The following NEMP2 variants were observed in gnomAD, a reference collection of about 807,000 sequenced individuals.
The protein encoded by NEMP2 is nuclear envelope integral membrane protein 2.
A neutral mutation model predicts 54.2 loss-of-function variants in NEMP2; 53 were observed. The ratio of observed to expected loss-of-function variants is 0.98; its 90% CI spans 0.78 to 1.23. NEMP2 has a LOEUF of 1.23. Ranked by LOEUF, NEMP2 falls within the 50% of genes most tolerant of loss-of-function variation. The pLI is 0.00. For missense variants in NEMP2, 455 were observed against 511.3 expected (o/e 0.89, Z 1.06); for synonymous variants, 197 against 190.3 (o/e 1.04, Z -0.29).
chr2:190,432,031 T>G, the NEMP2 span, among the ~76,000 whole-genome samples: 1 of 152,224 alleles, frequency 6.6e-6, no homozygotes, highest in African/African-American at 2.4e-5. Flanking sequence ...TTTCCTGTTT[T>G]GGTTCTGTTT....
At chr2:190,427,488 T>A in the NEMP2 span, among the ~76,000 whole-genome samples, 23 of 152,350 alleles carry the variant, frequency 1.5e-4, no homozygotes, top group African/African-American at 5.5e-4. Flanking sequence ...CAGGCACTTG[T>A]TAGGGCTTTT....
the NEMP2 span, among the ~76,000 whole-genome samples, chr2:190,603,651 G>T: frequency 2.1e-4 from 32 of 149,742 alleles, no homozygotes; most frequent in African/African-American, 7.9e-4. Flanking sequence ...TGGCATTTAG[G>T]AAAGTAGAGA....
At chr2:190,454,821 A>G in the NEMP2 span, among the ~76,000 whole-genome samples, 1 of 152,174 alleles carries the variant, frequency 6.6e-6, no homozygotes, top group Non-Finnish European at 1.5e-5. This position sits in a 1 kb window ranked among gnomAD's most constrained non-coding sequence, Gnocchi z 4.6. Flanking sequence ...TCTAAGAGTC[A>G]GAAGACACTA....
chr2:190,551,463 G>A, the NEMP2 span, among the ~76,000 whole-genome samples: 1 of 151,150 alleles, frequency 6.6e-6, no homozygotes, highest in Admixed American at 6.6e-5. Flanking sequence ...TCCTAGTATA[G>A]TTTCATTTCT....
At chr2:190,477,958 T>C in the NEMP2 span, among the ~76,000 whole-genome samples, 1 of 152,274 alleles carries the variant, frequency 6.6e-6, no homozygotes, top group East Asian at 1.9e-4. Flanking sequence ...GGGGAAGAGC[T>C]GTGTGCGAAG....
intron 4 of NEMP2, 90 bp from the exon 5 acceptor site, chr2:190,517,703 A>G: frequency 1.1e-6 from 1 of 910,274 alleles, no homozygotes; most frequent in Non-Finnish European, 1.7e-6. Flanking sequence ...TCAGTCATAA[A>G]TAACACTAAG....
the NEMP2 span, among the ~76,000 whole-genome samples, chr2:190,434,447 A>G: frequency 6.6e-6 from 1 of 151,966 alleles, no homozygotes; most frequent in Non-Finnish European, 1.5e-5. The surrounding 1 kb of genome is among the most constrained non-coding windows in gnomAD (Gnocchi z 4.3). Flanking sequence ...TTATTTATTT[A>G]TTTTTTTGAG....
At chr2:190,577,447 GTTC>G in the NEMP2 span, among the ~76,000 whole-genome samples, 4 of 152,150 alleles carry the variant, frequency 2.6e-5, no homozygotes, top group Admixed American at 2.6e-4. The surrounding 1 kb of genome is among the most constrained non-coding windows in gnomAD (Gnocchi z 4.8). Context: ...AAATTCACAT[GTTC>G]TTATTATGGA....
At chr2:190,642,667 T>C in the NEMP2 span, among the ~76,000 whole-genome samples, 18 of 152,156 alleles carry the variant, frequency 1.2e-4, no homozygotes, top group African/African-American at 4.3e-4. The surrounding 1 kb of genome is among the most constrained non-coding windows in gnomAD (Gnocchi z 4.1). Context: ...ATATTTCTGG[T>C]AATATGAATA....
At chr2:190,621,049 A>G in the NEMP2 span, among the ~76,000 whole-genome samples, 1 of 139,262 alleles carries the variant, frequency 7.2e-6, no homozygotes, top group African/African-American at 2.7e-5. Context: ...CAAAATGAGT[A>G]AAAGATCTAA....
At chr2:190,499,999 T>C (rs1293103308), downstream of NEMP2, 1 of 1,613,694 alleles carries the variant, frequency 6.2e-7, no homozygotes, top group African/African-American at 1.3e-5. This position sits in a 1 kb window ranked among gnomAD's most constrained non-coding sequence, Gnocchi z 6.0. Flanking sequence ...GGGCATCTCC[T>C]GTTTTTTACC....
At chr2:190,447,814 G>A in the NEMP2 span, among the ~76,000 whole-genome samples, 6 of 152,128 alleles carry the variant, frequency 3.9e-5, no homozygotes, top group Non-Finnish European at 7.4e-5. The surrounding 1 kb of genome is among the most constrained non-coding windows in gnomAD (Gnocchi z 4.5). Context: ...AAGAATTTAT[G>A]ATCAGGAATT....
At chr2:190,647,710 C>CTTTTTTTTTTTTT in the NEMP2 span, among the ~76,000 whole-genome samples, 2 of 102,384 alleles carry the variant, frequency 2.0e-5, no homozygotes, top group African/African-American at 7.6e-5. Context: ...TCTTCTTCTT[C>CTTTTTTTTTTTTT]TTTTTTTTTT....
At chr2:190,588,081 T>C in the NEMP2 span, among the ~76,000 whole-genome samples, 1 of 152,108 alleles carries the variant, frequency 6.6e-6, no homozygotes. This position sits in a 1 kb window ranked among gnomAD's most constrained non-coding sequence, Gnocchi z 5.0. Flanking sequence ...ATGGCAAAAG[T>C]TGGGCTTTTT....
chr2:190,524,562 C>G lies in NEMP2; in HGVS notation c.213+701G>C, dbSNP rs149982505. ...CCAGTACCTTGTTGGTTAACTCACT[C>G]CACTGAAATCTTCCTCAAATGTTAC... On this transcript the variant is annotated intron_variant, in intron 2 of 8. Coordinates refer to ENST00000409150, the MANE Select transcript of NEMP2 (RefSeq NM_001142645.2). 1.9e-3 allele frequency among the ~76,000 whole-genome samples: 291 copies of G among 152,308 alleles called. 1 individual carries two copies. Among genetic ancestry groups the G allele is most frequent in the African/African-American group, 6.8e-3 (281 of 41,566 alleles).
the NEMP2 span, among the ~76,000 whole-genome samples, chr2:190,579,971 C>T: frequency 9.5e-4 from 145 of 152,300 alleles, no homozygotes; most frequent in African/African-American, 3.3e-3. Context: ...TCAGAACTTC[C>T]TTAGCTTTCC....
chr2:190,580,977 C>T, the NEMP2 span, among the ~76,000 whole-genome samples: 6 of 152,144 alleles, frequency 3.9e-5, no homozygotes, highest in African/African-American at 1.2e-4. This position sits in a 1 kb window ranked among gnomAD's most constrained non-coding sequence, Gnocchi z 5.3. Context: ...AATTGGATTC[C>T]ACCCTGTTTC....
the NEMP2 span, among the ~76,000 whole-genome samples, chr2:190,459,135 T>A: frequency 5.3e-5 from 8 of 152,194 alleles, no homozygotes; most frequent in African/African-American, 1.7e-4. The surrounding 1 kb of genome is among the most constrained non-coding windows in gnomAD (Gnocchi z 5.3). Flanking sequence ...GACTCCTTTT[T>A]TCCTCCCTCC....
intron 1 of NEMP2, among the ~76,000 whole-genome samples, chr2:190,532,196 A>G (rs780429820): frequency 2.2e-4 from 34 of 152,230 alleles, no homozygotes; most frequent in Middle Eastern, 3.2e-3. Flanking sequence ...TGTTTTTTGT[A>G]AATACACATT....
Sources: gnomAD v4.1 joint callset for allele counts (sites outside exome capture counted in the v4.1 genomes callset) on GRCh38, gnomAD v4.1.1 for gene constraint, Gnocchi (gnomAD v3.1) non-coding constraint, MANE v1.5 for transcripts, NCBI Gene and HGNC (gene_info 2026-07-23, HGNC 2026-07-21) for gene names.